The following CHST8 variants were observed in gnomAD, a reference collection of about 807,000 sequenced individuals.
CHST8 encodes the protein GALNAC-4-ST1.
A neutral mutation model predicts 15.0 loss-of-function variants in CHST8; 10 were observed. The ratio of observed to expected loss-of-function variants is 0.67; its 90% CI spans 0.41 to 1.13. The LOEUF (loss-of-function observed/expected upper bound fraction) is 1.13. CHST8 is among the 50% of genes most tolerant of loss of function. The pLI, the probability that CHST8 is intolerant of heterozygous loss-of-function variation, is 0.00. For synonymous variants in CHST8, 259 were observed against 256.6 expected (o/e 1.01, Z -0.09); for missense variants, 634 against 608.2 (o/e 1.04, Z -0.45).
intron 1 of CHST8, among the ~76,000 whole-genome samples, chr19:33,627,537 T>C (rs1219186665): frequency 2.6e-5 from 4 of 152,216 alleles, no homozygotes; most frequent in African/African-American, 9.6e-5. Flanking sequence ...GTTGGTGGCC[T>C]GGGTCTTACA....
chr19:33,720,621 C>A (rs780655782), intron 3 of CHST8, among the ~76,000 whole-genome samples: 42 of 152,374 alleles, frequency 2.8e-4, no homozygotes, highest in Non-Finnish European at 5.1e-4. Context: ...GGAGGGGCAG[C>A]CCTTTTCTTC....
At chr19:33,719,778 C>T (rs1051116156) in intron 3 of CHST8, among the ~76,000 whole-genome samples, 1 of 151,910 alleles carries the variant, frequency 6.6e-6, no homozygotes, top group African/African-American at 2.4e-5. Flanking sequence ...GCAGTCGGAC[C>T]TGAACCATGC....
At chr19:33,710,456 T>C (rs1295521844) in intron 3 of CHST8, among the ~76,000 whole-genome samples, 1 of 152,236 alleles carries the variant, frequency 6.6e-6, no homozygotes, top group Admixed American at 6.5e-5. Context: ...TTTTTTCATT[T>C]CTTAAGGTGG....
At chr19:33,701,841 T>C (rs1219381909) in intron 3 of CHST8, among the ~76,000 whole-genome samples, 1 of 152,226 alleles carries the variant, frequency 6.6e-6, no homozygotes, top group Non-Finnish European at 1.5e-5. Flanking sequence ...TTAGGGAGAT[T>C]CATTCATTTA....
At chr19:33,631,506 C>T (rs1383145761) in intron 1 of CHST8, among the ~76,000 whole-genome samples, 3 of 152,190 alleles carry the variant, frequency 2.0e-5, no homozygotes, top group Admixed American at 6.5e-5. Flanking sequence ...CAGCCACTCA[C>T]ACGCCTCTTT....
intron 2 of CHST8, among the ~76,000 whole-genome samples, chr19:33,681,280 G>A (rs1210709009): frequency 6.6e-6 from 1 of 152,192 alleles, no homozygotes; most frequent in Admixed American, 6.5e-5. Flanking sequence ...GGCCTCAGGG[G>A]AGCACAGCTT....
At chr19:33,705,259 G>A (rs968416061) in intron 3 of CHST8, among the ~76,000 whole-genome samples, 1 of 152,198 alleles carries the variant, frequency 6.6e-6, no homozygotes, top group African/African-American at 2.4e-5. Flanking sequence ...CATGAGCAGA[G>A]CATCTCCTGG....
chr19:33,650,522 T>C (rs1332033497), intron 1 of CHST8, among the ~76,000 whole-genome samples: 1 of 77,928 alleles, frequency 1.3e-5, no homozygotes, highest in African/African-American at 7.4e-5. Context: ...TCTTTTCTTT[T>C]TTTTTTTTTT....
rs1014735957 is a variant in CHST8, at chr19:33,757,246, C to T, written c.131-14167C>T. ...CTTTACTGAAAACACAAAATTTAGCCAGGTGTGGTGGCGCACGCCTGCTAC... is the reference window on the plus strand; with the variant it reads ...CTTTACTGAAAACACAAAATTTAGCTAGGTGTGGTGGCGCACGCCTGCTAC... On this transcript the variant is annotated intron_variant, in intron 3 of 4. Coordinates refer to ENST00000650847, the MANE Select transcript of CHST8 (RefSeq NM_001127895.2). Among the ~76,000 whole-genome samples, 7 of 151,356 alleles carry T rather than the reference C, an allele frequency of 4.6e-5. No individual in the cohort carries two copies. In the East Asian group the frequency reaches 1.2e-3, roughly 25 times the overall value.
chr19:33,648,159 C>G (rs994233835), intron 1 of CHST8, among the ~76,000 whole-genome samples: 5 of 151,938 alleles, frequency 3.3e-5, no homozygotes, highest in Non-Finnish European at 7.4e-5. Context: ...ACAGTGGATG[C>G]AAATATGGTC....
chr19:33,701,122 G>T (rs1188893742), intron 3 of CHST8, among the ~76,000 whole-genome samples: 1 of 152,138 alleles, frequency 6.6e-6, no homozygotes, highest in African/African-American at 2.4e-5. Flanking sequence ...CCCTGATTTG[G>T]AGGGGGAGCC....
Position 33,692,215 on chromosome 19 carries a change from C to T in CHST8, c.130+2824C>T, listed in dbSNP as rs75004960. 8.0e-3 allele frequency among the ~76,000 whole-genome samples: 1,217 copies of T among 152,272 alleles called. 10 individuals are homozygous for T. The highest frequency in any genetic ancestry group is 0.027 in the African/African-American group (1,108 of 41,532). On this transcript the variant is annotated intron_variant, in intron 3 of 4. Coordinates refer to ENST00000650847, the MANE Select transcript of CHST8 (RefSeq NM_001127895.2). ...AGGAAGAGCTACCCAGTAAGCTATC[C>T]GATGCGAAGATGAAGTTTTGTGTAA...
At chr19:33,665,085 G>A (rs533780287) in intron 1 of CHST8, among the ~76,000 whole-genome samples, 3 of 152,188 alleles carry the variant, frequency 2.0e-5, no homozygotes, top group East Asian at 3.9e-4. Flanking sequence ...TTTGTAATAC[G>A]CTGGTTTCCT....
rs72103213 is a variant in CHST8 at position 33,765,053 on chromosome 19, C to CATATATATATATATATATATATAT, written c.131-6340_131-6339insATATATATATATATATATATATAT. ...TTTTTATGGCTAAGTACTATTCCATCATATATATATATATATATATCAGAG... is the reference window on the plus strand; with the variant it reads ...TTTTTATGGCTAAGTACTATTCCATCATATATATATATATATATATATATATATATATATATATATATATCAGAG... On this transcript the variant is annotated intron_variant, in intron 3 of 4. Transcript: ENST00000650847. Among the ~76,000 whole-genome samples, 163 of 87,618 alleles carry CATATATATATATATATATATATAT rather than the reference C, an allele frequency of 1.9e-3. 7 individuals carry two copies. Among genetic ancestry groups the CATATATATATATATATATATATAT allele is most frequent in the African/African-American group, 5.9e-3 (98 of 16,616 alleles). The allele number at this position is 87,618 out of a possible 152,430, so 57.5% of individuals were successfully genotyped here.
intron 3 of CHST8, among the ~76,000 whole-genome samples, chr19:33,698,732 G>A (rs2041728): frequency 0.21 from 31,199 of 152,030 alleles, 3,761 homozygotes; most frequent in African/African-American, 0.34. Flanking sequence ...TGGTGTCTGA[G>A]ATGCTTGGCA....
At chr19:33,652,768 A>G (rs1568315857) in intron 1 of CHST8, among the ~76,000 whole-genome samples, 1 of 151,984 alleles carries the variant, frequency 6.6e-6, no homozygotes, top group Non-Finnish European at 1.5e-5. Flanking sequence ...TTTCTAAAGG[A>G]TTGATTGTAT....
At chr19:33,732,569 T>C (rs80157665) in intron 3 of CHST8, among the ~76,000 whole-genome samples, 5,116 of 151,950 alleles carry the variant, frequency 0.034, 87 homozygotes, top group African/African-American at 0.046. Flanking sequence ...CACAGGCAAG[T>C]ACTATACTTA....
intron 1 of CHST8, among the ~76,000 whole-genome samples, chr19:33,640,924 G>A (rs541826172): frequency 2.0e-5 from 3 of 152,252 alleles, no homozygotes; most frequent in African/African-American, 7.2e-5. Context: ...GATGGGAACT[G>A]CCCTGGGCCC....
At chr19:33,765,401 T>C (rs1157055306) in intron 3 of CHST8, among the ~76,000 whole-genome samples, 1 of 152,120 alleles carries the variant, frequency 6.6e-6, no homozygotes, top group East Asian at 1.9e-4. Context: ...CAGTTTGGGA[T>C]ACTTTGTTAC....
Sources: allele counts gnomAD v4.1 joint callset (sites outside exome capture counted in the v4.1 genomes callset), GRCh38; gene constraint gnomAD v4.1.1; transcripts MANE v1.5; gene names NCBI Gene and HGNC (gene_info 2026-07-23, HGNC 2026-07-21).